The following CYTH3 variants were observed in gnomAD, a reference collection of about 807,000 sequenced individuals.
The protein encoded by CYTH3 is cytohesin-3.
A neutral mutation model predicts 55.1 loss-of-function variants in CYTH3; 23 were observed. That is an observed-to-expected ratio of 0.42 (90% CI 0.30 to 0.59). The LOEUF (loss-of-function observed/expected upper bound fraction) is 0.59. Among genes scored for constraint, CYTH3 ranks in the 20% least tolerant of loss-of-function variants. The probability of loss-of-function intolerance (pLI) is 0.20; values close to 1 mark genes in which losing one functional copy is unlikely to be tolerated. For synonymous variants in CYTH3, 249 were observed against 194.9 expected (o/e 1.28, Z -2.31); for missense variants, 413 against 524.8 (o/e 0.79, Z 2.08).
At chr7:6,259,270 T>C (rs1405573965) in intron 1 of CYTH3, among the ~76,000 whole-genome samples, 2 of 152,208 alleles carry the variant, frequency 1.3e-5, no homozygotes, top group Non-Finnish European at 2.9e-5. Context: ...TTACAGCAAA[T>C]TGCTGATTTT....
Position 6,242,323 on chromosome 7 carries a change from G to A in CYTH3, c.34+30151C>T, listed in dbSNP as rs370604856. 2.5e-3 allele frequency among the ~76,000 whole-genome samples: 381 copies of A among 150,360 alleles called. 2 individuals carry two copies. Among genetic ancestry groups the A allele is most frequent in the African/African-American group, 8.9e-3 (364 of 40,826 alleles). ...CATCTCCTGACGTCATGATCCACCC[G>A]CCTCGGCCTCCCAAAGTGCTGGGAT... On this transcript the variant is annotated intron_variant, in intron 1 of 12. Coordinates refer to ENST00000350796, the MANE Select transcript of CYTH3 (RefSeq NM_004227.4).
chr7:6,168,219 ATTTTTT>A (rs750700961), intron 9 of CYTH3, among the ~76,000 whole-genome samples: 18 of 121,620 alleles, frequency 1.5e-4, no homozygotes, highest in African/African-American at 5.0e-4. Flanking sequence ...ACCTCCTAGG[ATTTTTT>A]TTTTTTTTTT....
chr7:6,239,986 T>C (rs1423033858), intron 1 of CYTH3, among the ~76,000 whole-genome samples: 3 of 152,166 alleles, frequency 2.0e-5, no homozygotes, highest in African/African-American at 7.2e-5. Flanking sequence ...ATTTTCTAAG[T>C]TAATTTATAT....
intron 1 of CYTH3, among the ~76,000 whole-genome samples, chr7:6,220,404 C>CT (rs1470099337): frequency 1.3e-5 from 2 of 151,946 alleles, no homozygotes; most frequent in African/African-American, 2.4e-5. Context: ...TGAGAAAAAT[C>CT]TTTGAGAGCG....
In CYTH3 at chr7:6,170,971, G is replaced by A; in HGVS notation, c.570C>T (p.Cys190=). The stretch of plus-strand genomic sequence containing the variant: ...TGATGATGGCGAATGACAGCACGTA[G>A]CACGTGTCTGCAACGAGTCCGGGGT... ...NPGVFQSTDT[C]YVLSFAIIML... The change falls in exon 8 of 13, where the codon TGC becomes TGT. Residue 190 remains cysteine (C), a synonymous_variant. Coordinates refer to ENST00000350796, the MANE Select transcript of CYTH3 (RefSeq NM_004227.4). This position sits in a 1 kb window ranked among gnomAD's most constrained non-coding sequence, Gnocchi z 7.8. The A allele has an allele frequency of 6.2e-7, 1 of 1,613,860 alleles. No homozygotes were observed. The highest frequency in any genetic ancestry group is 1.1e-5 in the South Asian group (1 of 91,084).
At chr7:6,185,530 A>C (rs1783619681) in intron 4 of CYTH3, among the ~76,000 whole-genome samples, 1 of 151,834 alleles carries the variant, frequency 6.6e-6, no homozygotes, top group Admixed American at 6.6e-5. Context: ...CCCCGTCTCT[A>C]CTAAAAAAAA....
intron 1 of CYTH3, among the ~76,000 whole-genome samples, chr7:6,230,275 T>C (rs1278923398): frequency 3.9e-5 from 6 of 152,220 alleles, no homozygotes; most frequent in East Asian, 1.9e-4. Context: ...TCTGATTATA[T>C]TAACCACTAT....
At chr7:6,256,060 G>A (rs1780096822) in intron 1 of CYTH3, among the ~76,000 whole-genome samples, 1 of 152,110 alleles carries the variant, frequency 6.6e-6, no homozygotes, top group Non-Finnish European at 1.5e-5. Flanking sequence ...ATTGCGCCCG[G>A]CCAACCTTTA....
At chr7:6,233,357 C>T (rs888595153) in intron 1 of CYTH3, among the ~76,000 whole-genome samples, 13 of 152,200 alleles carry the variant, frequency 8.5e-5, no homozygotes, top group Non-Finnish European at 1.3e-4. Flanking sequence ...GTCACCAAAT[C>T]CTGCCAATTC....
intron 1 of CYTH3, among the ~76,000 whole-genome samples, chr7:6,221,303 A>G (rs1784545855): frequency 1.3e-5 from 2 of 152,232 alleles, no homozygotes; most frequent in African/African-American, 2.4e-5. Context: ...AAAAACCCAG[A>G]AACAACCCCA....
intron 1 of CYTH3, among the ~76,000 whole-genome samples, chr7:6,238,704 C>T (rs1272652860): frequency 2.6e-5 from 4 of 152,178 alleles, no homozygotes; most frequent in Admixed American, 2.6e-4. Context: ...GTGACAATGA[C>T]ATGTCAATGT....
chr7:6,254,877 G>A (rs1051452092), intron 1 of CYTH3, among the ~76,000 whole-genome samples: 5 of 152,310 alleles, frequency 3.3e-5, no homozygotes, highest in Admixed American at 6.5e-5. Flanking sequence ...AGGATTCATC[G>A]TACCATTCCT....
At chr7:6,187,764 C>T (rs1783691519) in intron 2 of CYTH3, 43 bp from the exon 3 acceptor site, 2 of 1,520,884 alleles carry the variant, frequency 1.3e-6, no homozygotes, top group Admixed American at 3.3e-5. Flanking sequence ...TGGGTCTTAA[C>T]CTTCCTCCCC....
At chr7:6,217,586 T>A (rs1038351329) in intron 1 of CYTH3, among the ~76,000 whole-genome samples, 15 of 152,290 alleles carry the variant, frequency 9.8e-5, no homozygotes, top group Admixed American at 4.6e-4. Context: ...CTGAGAGATA[T>A]CAACAATTAT....
Position 6,164,966 on chromosome 7 carries a change from C to T in CYTH3, c.1178G>A (p.Arg393Gln), listed in dbSNP as rs780996917. ...PFYDMLATRK[R>Q]RIANKK ...AAGCTATTTTTTATTGGCAATCCTT[C>T]GTTTCCTCGTTGCCAACATGTCATA... The change falls in exon 13 of 13, where the codon CGA becomes CAA. Residue 393 changes from arginine (R) to glutamine (Q), a missense_variant. By Grantham distance (43) the Arg-to-Gln change is conservative (BLOSUM62 1). This residue lies in a region of CYTH3 where 98 missense variants were observed against 115.2 expected (regional missense o/e 0.85). Coordinates refer to ENST00000350796, the MANE Select transcript of CYTH3 (RefSeq NM_004227.4). The T allele has an allele frequency of 3.0e-5, 48 of 1,614,112 alleles. No individual in the cohort carries two copies. Among genetic ancestry groups the T allele is most frequent in the East Asian group, 1.3e-4 (6 of 44,894 alleles).
intron 6 of CYTH3, chr7:6,172,754 G>A: frequency 1.6e-6 from 2 of 1,251,502 alleles, no homozygotes; most frequent in Middle Eastern, 2.8e-4. Context: ...TTCTCTGGAT[G>A]TACAGCTTCC....
chr7:6,258,903 C>T (rs1198473362), intron 1 of CYTH3, among the ~76,000 whole-genome samples: 1 of 152,120 alleles, frequency 6.6e-6, no homozygotes, highest in Non-Finnish European at 1.5e-5. Context: ...TACAGAATCT[C>T]CAGAATGTGA....
At chr7:6,240,024 G>A (rs145300892) in intron 1 of CYTH3, among the ~76,000 whole-genome samples, 222 of 152,210 alleles carry the variant, frequency 1.5e-3, no homozygotes, top group Middle Eastern at 6.8e-3. Flanking sequence ...TGAAATTAGA[G>A]GCTGGGTGCA....
intron 1 of CYTH3, among the ~76,000 whole-genome samples, 180 bp downstream of exon 1, chr7:6,272,294 C>T (rs947124543): frequency 6.6e-6 from 1 of 151,702 alleles, no homozygotes; most frequent in Non-Finnish European, 1.5e-5. Flanking sequence ...CTCCCTCGGC[C>T]CCCGGAGACC....
Sources: allele counts gnomAD v4.1 joint callset (sites outside exome capture counted in the v4.1 genomes callset), GRCh38; gene constraint gnomAD v4.1.1; regional missense constraint gnomAD v4.1.1; non-coding constraint Gnocchi (gnomAD v3.1); transcripts MANE v1.5; gene names NCBI Gene and HGNC (gene_info 2026-07-23, HGNC 2026-07-21).